The following PAX3 variants were observed in gnomAD, a reference collection of about 807,000 sequenced individuals.
PAX3 encodes the protein paired box 3, also known as paired box protein Pax-3.
PAX3 carries 14 observed loss-of-function variants against 51.6 expected under a neutral mutation model. That is an observed-to-expected ratio of 0.27 (90% CI 0.18 to 0.42). The LOEUF (loss-of-function observed/expected upper bound fraction) is 0.42. Ranked by LOEUF, PAX3 falls within the 10% of genes least tolerant of loss-of-function variation. The pLI, the probability that PAX3 is intolerant of heterozygous loss-of-function variation, is 1.00. For synonymous variants in PAX3, 280 were observed against 253.4 expected, an observed-to-expected ratio of 1.11 and a Z score of -1.00; for missense variants, 540 against 642.8, an observed-to-expected ratio of 0.84 and a Z score of 1.73.
intron 3 of PAX3, among the ~76,000 whole-genome samples, chr2:222,295,305 G>A (rs1695235394): frequency 6.6e-6 from 1 of 152,140 alleles, no homozygotes; most frequent in African/African-American, 2.4e-5. Flanking sequence ...TCTTTGGGGC[G>A]TCCTCAGCGG....
At chr2:222,213,908 G>A (rs1346266147) in intron 7 of PAX3, among the ~76,000 whole-genome samples, 1 of 152,182 alleles carries the variant, frequency 6.6e-6, no homozygotes, top group Non-Finnish European at 1.5e-5. Flanking sequence ...ATAGAAGCTG[G>A]CTGTACCGCC....
chr2:222,280,920 C>T (rs1161101003), intron 4 of PAX3, among the ~76,000 whole-genome samples: 1 of 152,232 alleles, frequency 6.6e-6, no homozygotes, highest in African/African-American at 2.4e-5. Flanking sequence ...TTCCATTCGA[C>T]TTCTGCTCTC....
intron 7 of PAX3, among the ~76,000 whole-genome samples, chr2:222,215,150 C>T (rs899481420): frequency 6.6e-6 from 1 of 151,988 alleles, no homozygotes; most frequent in African/African-American, 2.4e-5. Context: ...CAGAAAGCTT[C>T]TTGGATATCA....
intron 5 of PAX3, chr2:222,221,822 A>G (rs868676565): frequency 1.0e-5 from 2 of 197,446 alleles, no homozygotes; most frequent in Non-Finnish European, 2.1e-5. Flanking sequence ...TTATATTCTT[A>G]TTAGTCTGTC....
chr2:222,260,578 GTTTTTTTTTTTTGTT>G (rs1327616252), intron 4 of PAX3, among the ~76,000 whole-genome samples: 5,257 of 61,350 alleles, frequency 0.086, 202 homozygotes, highest in East Asian at 0.2. Flanking sequence ...TTTTTTTTTT[GTTTTTTTTTTTTGTT>G]TTTTTTTTTT....
intron 4 of PAX3, chr2:222,262,763 T>G (rs1177443249): frequency 6.6e-6 from 1 of 152,126 alleles, no homozygotes; most frequent in Non-Finnish European, 1.5e-5. Context: ...CAAGACATTG[T>G]GGTATAAGGA....
At chr2:222,294,438 T>A in intron 3 of PAX3, 137 bp from the exon 4 acceptor site, 1 of 864,356 alleles carries the variant, frequency 1.2e-6, no homozygotes, top group Non-Finnish European at 1.9e-6. Flanking sequence ...GGGTGTCTCC[T>A]CCTGCATCTC....
At chr2:222,234,679 C>T (rs1234209383) in intron 4 of PAX3, among the ~76,000 whole-genome samples, 4 of 152,204 alleles carry the variant, frequency 2.6e-5, no homozygotes, top group East Asian at 1.9e-4. Context: ...CTGATTCTAC[C>T]GACCCCAGAT....
At chr2:222,264,042 T>C (rs763967994) in intron 4 of PAX3, 1 of 152,182 alleles carries the variant, frequency 6.6e-6, no homozygotes, top group Non-Finnish European at 1.5e-5. Context: ...TCTATCCTGG[T>C]AGTGATGATG....
At chr2:222,239,539 A>G (rs1386020539) in intron 4 of PAX3, among the ~76,000 whole-genome samples, 3 of 152,096 alleles carry the variant, frequency 2.0e-5, no homozygotes. Context: ...GAAAAAAAAC[A>G]GAGATTTAAA....
chr2:222,251,509 T>C (rs1693431907), intron 4 of PAX3, among the ~76,000 whole-genome samples: 2 of 152,214 alleles, frequency 1.3e-5, no homozygotes, highest in Admixed American at 6.5e-5. Context: ...CAGTCTATCA[T>C]TGTTGGACAT....
intron 4 of PAX3, among the ~76,000 whole-genome samples, chr2:222,256,679 CTT>C (rs1008295965): frequency 6.6e-6 from 1 of 152,188 alleles, no homozygotes; most frequent in Non-Finnish European, 1.5e-5. Flanking sequence ...AACTAATACT[CTT>C]TTATTTTCTC....
intron 4 of PAX3, among the ~76,000 whole-genome samples, chr2:222,276,122 C>T (rs1342904521): frequency 6.6e-6 from 1 of 152,170 alleles, no homozygotes; most frequent in Non-Finnish European, 1.5e-5. Context: ...CAGGCATAGA[C>T]GAAAGAGGGA....
chr2:222,268,197 G>A (rs1285706837), intron 4 of PAX3, among the ~76,000 whole-genome samples: 1 of 152,172 alleles, frequency 6.6e-6, no homozygotes, highest in South Asian at 2.1e-4. Context: ...GGCTGGTCAT[G>A]TTTTGCAATT....
chr2:222,267,469 T>C (rs1694093342), intron 4 of PAX3, among the ~76,000 whole-genome samples: 1 of 152,234 alleles, frequency 6.6e-6, no homozygotes, highest in African/African-American at 2.4e-5. Flanking sequence ...AAACACTTTT[T>C]CAAAATTATT....
intron 4 of PAX3, among the ~76,000 whole-genome samples, chr2:222,274,665 T>TATATAGTTA (rs1694359050): frequency 6.6e-6 from 1 of 152,122 alleles, no homozygotes; most frequent in African/African-American, 2.4e-5. Flanking sequence ...TTTATATAGT[T>TATATAGTTA]AAACAGAATA....
chr2:222,245,456 T>C (rs1217256992), intron 4 of PAX3, among the ~76,000 whole-genome samples: 1 of 152,214 alleles, frequency 6.6e-6, no homozygotes, highest in Non-Finnish European at 1.5e-5. Flanking sequence ...ACAACCAATG[T>C]GAATAGGTCA....
At chr2:222,246,936 T>C (rs1457669034) in intron 4 of PAX3, among the ~76,000 whole-genome samples, 1 of 152,234 alleles carries the variant, frequency 6.6e-6, no homozygotes, top group Non-Finnish European at 1.5e-5. Flanking sequence ...TGGCCAGATA[T>C]GAAAATTTGC....
chr2:222,233,738 C>T (rs1692697585), intron 4 of PAX3, among the ~76,000 whole-genome samples: 1 of 152,112 alleles, frequency 6.6e-6, no homozygotes, highest in Admixed American at 6.6e-5. Context: ...ACCAGAGCAG[C>T]CTGGCTCTTG....
Sources: gnomAD v4.1 joint callset for allele counts (sites outside exome capture counted in the v4.1 genomes callset) on GRCh38, gnomAD v4.1.1 for gene constraint, MANE v1.5 for transcripts, NCBI Gene and HGNC (gene_info 2026-07-23, HGNC 2026-07-21) for gene names.